The following PDK1 variants were observed in gnomAD, a reference collection of about 807,000 sequenced individuals.
The protein encoded by PDK1 is [Pyruvate dehydrogenase (acetyl-transferring)] kinase isozyme 1, mitochondrial.
PDK1 carries 39 observed loss-of-function variants against 54.2 expected under a neutral mutation model. That is an observed-to-expected ratio of 0.72 (90% CI 0.56 to 0.94). PDK1 has a LOEUF of 0.94. PDK1 is among the 40% of genes least tolerant of loss of function. The probability of loss-of-function intolerance (pLI) is 0.00; values close to 1 mark genes in which losing one functional copy is unlikely to be tolerated. For synonymous variants in PDK1, 221 were observed against 207.1 expected (o/e 1.07, Z -0.58); for missense variants, 552 against 566.0 (o/e 0.98, Z 0.25).
the PDK1 span, among the ~76,000 whole-genome samples, chr2:172,702,087 T>G: frequency 3.3e-3 from 504 of 152,256 alleles, 2 homozygotes; most frequent in African/African-American, 0.012. Flanking sequence ...ACAAGTGAAT[T>G]TGATTTAAGT....
the PDK1 span, among the ~76,000 whole-genome samples, chr2:172,680,237 G>A: frequency 6.6e-6 from 1 of 152,104 alleles, no homozygotes; most frequent in Non-Finnish European, 1.5e-5. Flanking sequence ...CTCTCGGAAG[G>A]GGCCATTCTA....
chr2:172,687,511 A>G, the PDK1 span, among the ~76,000 whole-genome samples: 21 of 152,168 alleles, frequency 1.4e-4, no homozygotes, highest in South Asian at 4.4e-3. Context: ...TGTTTCTGTA[A>G]TTGGTCTCAG....
At chr2:172,617,106 C>A in the PDK1 span, among the ~76,000 whole-genome samples, 36 of 152,186 alleles carry the variant, frequency 2.4e-4, 1 homozygote, top group South Asian at 7.5e-3. Context: ...TCTGCCACCA[C>A]ACATGGCTAA....
At chr2:172,568,348 AAAG>A (rs1226346154) in intron 6 of PDK1, among the ~76,000 whole-genome samples, 81 of 151,016 alleles carry the variant, frequency 5.4e-4, no homozygotes, top group African/African-American at 1.7e-3. Context: ...AAAAAAAAAA[AAAG>A]AAGAAGAAGA....
downstream of PDK1, among the ~76,000 whole-genome samples, chr2:172,611,990 A>G (rs1691477615): frequency 6.6e-6 from 1 of 152,282 alleles, no homozygotes; most frequent in African/African-American, 2.4e-5. Flanking sequence ...TTCAAAAGAA[A>G]TACATGGCTA....
chr2:172,635,890 T>C, the PDK1 span, among the ~76,000 whole-genome samples: 1 of 152,180 alleles, frequency 6.6e-6, no homozygotes, highest in African/African-American at 2.4e-5. Context: ...TTATTCATAC[T>C]AGCCAATCTT....
At chr2:172,627,520 C>T in the PDK1 span, among the ~76,000 whole-genome samples, 8 of 152,272 alleles carry the variant, frequency 5.3e-5, no homozygotes, top group African/African-American at 1.9e-4. Flanking sequence ...CATACATAGT[C>T]CTTAAAAGAT....
chr2:172,613,390 C>G (rs988189438), downstream of PDK1, among the ~76,000 whole-genome samples: 1 of 152,192 alleles, frequency 6.6e-6, no homozygotes, highest in African/African-American at 2.4e-5. Flanking sequence ...CGCTCCATGA[C>G]TTTAGAAGAA....
At chr2:172,635,757 T>C in the PDK1 span, among the ~76,000 whole-genome samples, 3 of 152,218 alleles carry the variant, frequency 2.0e-5, no homozygotes, top group African/African-American at 4.8e-5. Context: ...ATGCCTTTCA[T>C]ATGCAAGCCA....
chr2:172,600,828 C>T lies in PDK1; in HGVS notation c.*4859C>T, dbSNP rs1201726500. ...TTCCTTGACCACATAGGCTCTTAGA[C>T]TCTTATTCTATGTTGTCTTCGTCCA... On this transcript the variant is annotated 3_prime_UTR_variant, in exon 11 of 11. Coordinates refer to ENST00000282077, the MANE Select transcript of PDK1 (RefSeq NM_002610.5). 1 of 152,178 alleles carries T rather than the reference C, an allele frequency of 6.6e-6. No homozygotes were observed. Among genetic ancestry groups the T allele is most frequent in the Non-Finnish European group, 1.5e-5 (1 of 68,058 alleles). 9.4% of individuals were successfully genotyped at this position (152,178 alleles called of 1,614,324 possible).
the PDK1 span, among the ~76,000 whole-genome samples, chr2:172,640,937 C>G: frequency 7.0e-6 from 1 of 143,336 alleles, no homozygotes; most frequent in Non-Finnish European, 1.5e-5. Context: ...TTCCTTCCTT[C>G]CCTCCCTTCT....
At chr2:172,557,793 A>T (rs1342440402) in intron 1 of PDK1, among the ~76,000 whole-genome samples, 2 of 151,704 alleles carry the variant, frequency 1.3e-5, no homozygotes, top group African/African-American at 2.4e-5. Flanking sequence ...ATCTTTGCTT[A>T]TGGTAATTAG....
the PDK1 span, among the ~76,000 whole-genome samples, chr2:172,616,993 A>G: frequency 6.6e-6 from 1 of 152,206 alleles, no homozygotes; most frequent in South Asian, 2.1e-4. Flanking sequence ...TCTGTCACCC[A>G]GGCTGGAGTG....
At chr2:172,578,612 CTTTT>C (rs945590266) in intron 8 of PDK1, among the ~76,000 whole-genome samples, 1 of 151,738 alleles carries the variant, frequency 6.6e-6, no homozygotes, top group Non-Finnish European at 1.5e-5. Context: ...ATGGGCAATA[CTTTT>C]TTGTTTTTTT....
chr2:172,653,510 C>T, the PDK1 span, among the ~76,000 whole-genome samples: 2 of 151,352 alleles, frequency 1.3e-5, no homozygotes, highest in Middle Eastern at 3.4e-3. Flanking sequence ...AGCTAAGTAA[C>T]AAAAATTGCT....
rs756922971 is a variant in PDK1 at position 172,558,648 on chromosome 2, C to G, written c.197-60C>G. The G allele has an allele frequency of 3.9e-5, 57 of 1,445,884 alleles. No homozygotes were observed. In the Middle Eastern group the frequency reaches 5.4e-4, roughly 14 times the overall value. 89.6% of individuals were successfully genotyped at this position (1,445,884 alleles called of 1,614,324 possible). A position where few individuals can be genotyped will look rare whatever the true frequency, so the allele number is the denominator to read the frequency against. On this transcript the variant is annotated intron_variant, in intron 1 of 10. Transcript: ENST00000282077. ...ACTTCCTCTCTATTTCTCTCAGCCT[C>G]TTGCCTTCTGTTTCCTTATGGCTTT...
the PDK1 span, among the ~76,000 whole-genome samples, chr2:172,720,229 C>G: frequency 7.5e-4 from 113 of 151,658 alleles, 1 homozygote; most frequent in South Asian, 0.022. Flanking sequence ...ATTCTCATGC[C>G]TCAGCCTCCC....
chr2:172,560,290 C>T (rs868458769), intron 2 of PDK1, among the ~76,000 whole-genome samples: 9 of 152,128 alleles, frequency 5.9e-5, no homozygotes, highest in Non-Finnish European at 1.0e-4. Context: ...AGCTGCCTCC[C>T]GAGCAGCTGG....
chr2:172,587,193 G>A (rs965068435), intron 9 of PDK1, among the ~76,000 whole-genome samples: 11 of 152,138 alleles, frequency 7.2e-5, no homozygotes, highest in African/African-American at 2.4e-4. Context: ...ATGAAGCTGC[G>A]GACCCTCGCA....
Sources: gnomAD v4.1 joint callset for allele counts (sites outside exome capture counted in the v4.1 genomes callset) on GRCh38, gnomAD v4.1.1 for gene constraint, MANE v1.5 for transcripts, NCBI Gene and HGNC (gene_info 2026-07-23, HGNC 2026-07-21) for gene names.